The following GRIP1 variants were observed in gnomAD, a reference collection of about 807,000 sequenced individuals.
The protein encoded by GRIP1 is glutamate receptor-interacting protein 1.
GRIP1 carries 45 observed loss-of-function variants against 129.9 expected under a neutral mutation model. That is an observed-to-expected ratio of 0.35 (90% CI 0.27 to 0.44). GRIP1 has a LOEUF of 0.44. Among genes scored for constraint, GRIP1 ranks in the 20% least tolerant of loss-of-function variants. GRIP1 has a pLI of 1.00. For synonymous variants in GRIP1, 530 were observed against 520.8 expected (o/e 1.02, Z -0.24); for missense variants, 1,196 against 1,396.8 (o/e 0.86, Z 2.29).
At chr12:66,724,370 G>A (rs915056503) in intron 1 of GRIP1, among the ~76,000 whole-genome samples, 8 of 152,160 alleles carry the variant, frequency 5.3e-5, no homozygotes, top group South Asian at 2.1e-4. Context: ...AGGGTTCAGC[G>A]GTGCTGAGCT....
intron 1 of GRIP1, among the ~76,000 whole-genome samples, chr12:66,638,635 G>A (rs1168253470): frequency 6.6e-6 from 1 of 152,110 alleles, no homozygotes; most frequent in Non-Finnish European, 1.5e-5. Context: ...CTACTAATTA[G>A]TTTTTAGTAA....
chr12:66,668,701 A>C (rs77533395), intron 1 of GRIP1, among the ~76,000 whole-genome samples: 2,068 of 152,052 alleles, frequency 0.014, 57 homozygotes, highest in African/African-American at 0.048. Context: ...ATGAGAGGAT[A>C]GCCTGAGCCC....
intron 1 of GRIP1, among the ~76,000 whole-genome samples, chr12:67,017,834 A>G (rs570115462): frequency 9.8e-5 from 15 of 152,312 alleles, no homozygotes; most frequent in African/African-American, 3.6e-4. Flanking sequence ...TGAACAGAGA[A>G]GCCATTGGGG....
intron 1 of GRIP1, among the ~76,000 whole-genome samples, chr12:67,004,602 T>C (rs1334920659): frequency 6.6e-6 from 1 of 151,856 alleles, no homozygotes; most frequent in Non-Finnish European, 1.5e-5. Context: ...TACAACATGC[T>C]GAAAGGCAAT....
rs1468223573 is a variant in GRIP1, at chr12:66,394,330, T to C, written c.2007A>G (p.Ala669=). The C allele has an allele frequency of 6.2e-7, 1 of 1,614,126 alleles. No homozygotes were observed. The highest frequency in any genetic ancestry group is 8.5e-7 in the Non-Finnish European group (1 of 1,179,970). ...GTTTAAGCTCCACGGTGTAAATAAT[T>C]GCTCCGGAACTTTCTTGCTCATCTG... ...DNSDEQESSG[A]IIYTVELKRY... The change falls in exon 17 of 25, where the codon GCA becomes GCG. Residue 669 remains alanine, a synonymous_variant. Transcript: ENST00000359742.
chr12:66,511,778 C>G (rs1167001530), intron 7 of GRIP1, among the ~76,000 whole-genome samples: 1 of 152,202 alleles, frequency 6.6e-6, no homozygotes, highest in East Asian at 1.9e-4. Context: ...AGAGACAAAA[C>G]TCCTATGACA....
chr12:66,524,954 C>T (rs1389485559), intron 5 of GRIP1, among the ~76,000 whole-genome samples: 1 of 152,170 alleles, frequency 6.6e-6, no homozygotes, highest in African/African-American at 2.4e-5. Context: ...TTCCTCGACA[C>T]ATACACCCTC....
intron 23 of GRIP1, among the ~76,000 whole-genome samples, chr12:66,364,274 AAAAAAAAAAAAAAAAAG>A (rs1406546832): frequency 6.8e-6 from 1 of 146,532 alleles, no homozygotes; most frequent in African/African-American, 2.5e-5. Flanking sequence ...TCAAAAAAAA[AAAAAAAAAAAAAAAAAG>A]AAAGAAAGAA....
chr12:66,505,596 T>C lies in GRIP1; in HGVS notation c.724+10023A>G, dbSNP rs940193273. Among the ~76,000 whole-genome samples the C allele has an allele frequency of 2.0e-5, 3 of 152,260 alleles. No homozygotes were observed. The South Asian group carries it at 6.2e-4, about 32-fold the overall frequency. ...TAATAGAAAAATAATACAGTAATGG[T>C]GGGAGGGGTTGGTGTGGGGAACCCA... On this transcript the variant is annotated intron_variant, in intron 7 of 24. Transcript: ENST00000359742.
intron 1 of GRIP1, among the ~76,000 whole-genome samples, chr12:66,999,891 C>T (rs1481312305): frequency 6.6e-6 from 1 of 152,100 alleles, no homozygotes; most frequent in Non-Finnish European, 1.5e-5. Flanking sequence ...GTTCATTTGT[C>T]TTACACCTTC....
intron 1 of GRIP1, among the ~76,000 whole-genome samples, chr12:66,814,177 C>T (rs941941165): frequency 1.3e-5 from 2 of 151,698 alleles, no homozygotes; most frequent in African/African-American, 4.8e-5. Flanking sequence ...AGTAAATGTA[C>T]CACCTTCAGC....
At chr12:67,068,815 G>C (rs1220355718) in intron 1 of GRIP1, among the ~76,000 whole-genome samples, 3 of 125,964 alleles carry the variant, frequency 2.4e-5, no homozygotes, top group Non-Finnish European at 4.8e-5. Flanking sequence ...AAAGTTCCCT[G>C]CTGCAGCACC....
At position 66,406,284 on chromosome 12, in the gene GRIP1, T is replaced by G. The variant is rs1488974473; in HGVS notation, c.1983A>C (p.Ser661=). 1 of 1,614,056 alleles carries G rather than the reference T, an allele frequency of 6.2e-7. No homozygotes were observed. Among genetic ancestry groups the G allele is most frequent in the African/African-American group, 1.3e-5 (1 of 75,054 alleles). The change falls in exon 16 of 25, where the codon TCA becomes TCC. Residue 661 remains serine, a splice_region_variant and synonymous_variant. Transcript: ENST00000359742. ...TTTAACTAAGGATGCTCTCAATACCTGAATTATCTTCATCTTTGCGGATTT... is the reference window on the plus strand; with the variant it reads ...TTTAACTAAGGATGCTCTCAATACCGGAATTATCTTCATCTTTGCGGATTT... ...KLKIRKDEDN[S]DEQESSGAII...
intron 1 of GRIP1, among the ~76,000 whole-genome samples, chr12:66,723,287 T>TTCCTTC (rs1565987980): frequency 0.09 from 1,178 of 13,084 alleles, 31 homozygotes; most frequent in Non-Finnish European, 0.11. Flanking sequence ...TTCCTTCCTT[T>TTCCTTC]CTTTCTTTCT....
chr12:66,626,285 A>G (rs2030030648), intron 1 of GRIP1, among the ~76,000 whole-genome samples: 1 of 151,782 alleles, frequency 6.6e-6, no homozygotes, highest in African/African-American at 2.4e-5. Flanking sequence ...GGTTGCAGTG[A>G]GCTGAGACCG....
At chr12:66,452,549 T>C (rs556264178) in intron 11 of GRIP1, among the ~76,000 whole-genome samples, 49 of 152,342 alleles carry the variant, frequency 3.2e-4, no homozygotes, top group African/African-American at 1.1e-3. Context: ...TTCCTTGGCA[T>C]TGGAAATACA....
chr12:66,458,615 C>T (rs1179606426), intron 9 of GRIP1, among the ~76,000 whole-genome samples: 1 of 152,182 alleles, frequency 6.6e-6, no homozygotes, highest in African/African-American at 2.4e-5. Context: ...AAACTCCCGA[C>T]CTCAGGTGAT....
chr12:66,522,730 T>C (rs1592478046), intron 5 of GRIP1, among the ~76,000 whole-genome samples: 1 of 152,108 alleles, frequency 6.6e-6, no homozygotes, highest in East Asian at 1.9e-4. Context: ...CAAACTACTC[T>C]GAACTACAGG....
In GRIP1 at chr12:66,660,095, T is replaced by G. The variant is rs114628980; in HGVS notation, c.55+18755A>C. The stretch of plus-strand genomic sequence containing the variant: ...ATTCTCATGTTGATGCCTAAATGCA[T>G]AAAATGTGACGGCCTCAGCCCAACT... On this transcript the variant is annotated intron_variant, in intron 1 of 24. Coordinates refer to ENST00000359742, the MANE Select transcript of GRIP1 (RefSeq NM_001366722.1). Among the ~76,000 whole-genome samples the G allele has an allele frequency of 3.1e-3, 470 of 152,300 alleles. 2 individuals carry two copies. Among genetic ancestry groups the G allele is most frequent in the African/African-American group, 0.011 (456 of 41,564 alleles).
Sources: allele counts gnomAD v4.1 joint callset (sites outside exome capture counted in the v4.1 genomes callset), GRCh38; gene constraint gnomAD v4.1.1; transcripts MANE v1.5; gene names NCBI Gene and HGNC (gene_info 2026-07-23, HGNC 2026-07-21).